The following SCD5 variants were observed in gnomAD, a reference collection of about 807,000 sequenced individuals.
SCD5 encodes stearoyl-CoA desaturase 5.
A neutral mutation model predicts 30.4 loss-of-function variants in SCD5; 20 were observed. That is an observed-to-expected ratio of 0.66 (90% CI 0.46 to 0.96). The LOEUF is 0.96. SCD5 is among the 40% of genes least tolerant of loss of function. The pLI, the probability that SCD5 is intolerant of heterozygous loss-of-function variation, is 0.00. For missense variants in SCD5, 381 were observed against 443.3 expected, an observed-to-expected ratio of 0.86 and a Z score of 1.26; for synonymous variants, 173 against 176.4, an observed-to-expected ratio of 0.98 and a Z score of 0.16.
At position 82,706,592 on chromosome 4, in the gene SCD5, A is replaced by G. The variant is rs894976101; in HGVS notation, c.233-1179T>C. 8.5e-5 allele frequency among the ~76,000 whole-genome samples: 13 copies of G among 152,276 alleles called. 1 individual carries two copies. Among genetic ancestry groups the G allele is most frequent in the African/African-American group, 3.1e-4 (13 of 41,486 alleles). The stretch of plus-strand genomic sequence containing the variant: ...ATACTGCCCTGTCTTCCCAGACATG[A>G]GAATAAACACCTGAGCCAATCCTTT... On this transcript the variant is annotated intron_variant, in intron 1 of 4. Transcript: ENST00000319540.
chr4:82,646,580 T>C (rs565748771), intron 3 of SCD5, among the ~76,000 whole-genome samples: 3 of 152,314 alleles, frequency 2.0e-5, no homozygotes, highest in African/African-American at 4.8e-5. Context: ...AAAGTTGTAA[T>C]CGAACTACTC....
At chr4:82,777,168 G>C (rs764575164) in intron 1 of SCD5, among the ~76,000 whole-genome samples, 1 of 152,146 alleles carries the variant, frequency 6.6e-6, no homozygotes, top group South Asian at 2.1e-4. Context: ...TCACATTGGG[G>C]TCAGCAACAT....
intron 3 of SCD5, among the ~76,000 whole-genome samples, chr4:82,654,319 C>G (rs1727824702): frequency 6.6e-6 from 1 of 152,148 alleles, no homozygotes; most frequent in Admixed American, 6.5e-5. Context: ...CTGTCCAAAG[C>G]CAATTTCTGA....
intron 1 of SCD5, among the ~76,000 whole-genome samples, chr4:82,781,022 G>A (rs112604192): frequency 7.2e-5 from 11 of 152,230 alleles, no homozygotes; most frequent in Admixed American, 2.0e-4. Context: ...ATAATTGAAA[G>A]GGAGAGAAAC....
Position 82,636,621 on chromosome 4 carries a change from G to A in SCD5, c.772C>T (p.Gln258Ter). The A allele has an allele frequency of 6.2e-7, 1 of 1,614,164 alleles. No individual in the cohort carries two copies. The highest frequency in any genetic ancestry group is 8.5e-7 in the Non-Finnish European group (1 of 1,180,030). The change falls in exon 4 of 5, where the codon CAG (glutamine) becomes TAG (stop). Residue 258 changes from glutamine (Q) to a stop codon, truncating the protein, a stop_gained. Coordinates refer to ENST00000319540, the MANE Select transcript of SCD5 (RefSeq NM_001037582.3). LOFTEE classifies it high-confidence loss of function. ...GCACCCAGAGCGACGAGTGGGTTCT[G>A]CCGAGGGCTGATGTGCTTGTCATAG... The part of the protein sequence containing the change: ...RPYDKHISPR[Q>*]NPLVALGAIG...
intron 2 of SCD5, among the ~76,000 whole-genome samples, chr4:82,699,132 A>G (rs943456653): frequency 1.3e-5 from 2 of 152,012 alleles, no homozygotes; most frequent in Admixed American, 6.6e-5. Context: ...ATCATCTTAA[A>G]ACCATCCCCC....
chr4:82,798,087 G>A (rs1342402832), intron 1 of SCD5, among the ~76,000 whole-genome samples: 1 of 15,738 alleles, frequency 6.4e-5, no homozygotes, highest in Non-Finnish European at 3.6e-4. Context: ...GGGTGGGGGC[G>A]GGGGGGGGGC....
chr4:82,679,700 A>C (rs1003827355), intron 3 of SCD5, among the ~76,000 whole-genome samples: 4 of 152,208 alleles, frequency 2.6e-5, no homozygotes, highest in African/African-American at 9.7e-5. Context: ...AGGGTCTGCC[A>C]GTTTCTCACT....
At chr4:82,779,984 T>C (rs910538482) in intron 1 of SCD5, among the ~76,000 whole-genome samples, 14 of 152,244 alleles carry the variant, frequency 9.2e-5, no homozygotes, top group African/African-American at 3.4e-4. Context: ...TCAAAGTTAT[T>C]GTTGCTGTTC....
At chr4:82,643,609 G>A (rs1417241833) in intron 3 of SCD5, among the ~76,000 whole-genome samples, 1 of 152,188 alleles carries the variant, frequency 6.6e-6, no homozygotes, top group Non-Finnish European at 1.5e-5. Flanking sequence ...TTTTTATTGG[G>A]AATGATGACA....
intron 1 of SCD5, among the ~76,000 whole-genome samples, chr4:82,719,218 AG>A (rs1359270466): frequency 6.6e-6 from 1 of 151,774 alleles, no homozygotes; most frequent in Non-Finnish European, 1.5e-5. Context: ...AACTTTTTCC[AG>A]GAACTACATA....
intron 2 of SCD5, among the ~76,000 whole-genome samples, chr4:82,699,717 A>G (rs1719775512): frequency 6.6e-6 from 1 of 150,790 alleles, no homozygotes; most frequent in Non-Finnish European, 1.5e-5. Context: ...GCTGAAGTGC[A>G]GTGGCACAAT....
At chr4:82,636,471 C>A in intron 4 of SCD5, 120 bp downstream of exon 4, 11 of 703,140 alleles carry the variant, frequency 1.6e-5, no homozygotes, top group Non-Finnish European at 2.6e-5. Context: ...AAAAAAAGCT[C>A]AAGTTCACTG....
chr4:82,683,217 T>A (rs1374822161), intron 2 of SCD5, among the ~76,000 whole-genome samples: 1 of 152,210 alleles, frequency 6.6e-6, no homozygotes, highest in Admixed American at 6.5e-5. Flanking sequence ...GATTTTACAG[T>A]GTATTTAAAC....
intron 3 of SCD5, among the ~76,000 whole-genome samples, chr4:82,639,297 G>C (rs1050533910): frequency 7.9e-5 from 12 of 152,192 alleles, no homozygotes; most frequent in Admixed American, 4.6e-4. Context: ...GGCCTTAGAG[G>C]TGGCCTTCTA....
chr4:82,780,115 G>A (rs1161094206), intron 1 of SCD5, among the ~76,000 whole-genome samples: 1 of 152,218 alleles, frequency 6.6e-6, no homozygotes, highest in African/African-American at 2.4e-5. Flanking sequence ...GCACATAAAT[G>A]TTTAGGAACA....
chr4:82,784,003 C>A (rs1721935440), intron 1 of SCD5, among the ~76,000 whole-genome samples: 1 of 152,016 alleles, frequency 6.6e-6, no homozygotes, highest in Non-Finnish European at 1.5e-5. Flanking sequence ...TATATAGATT[C>A]TATACATACA....
intron 2 of SCD5, among the ~76,000 whole-genome samples, chr4:82,699,562 TG>T (rs1560537255): frequency 6.2e-4 from 20 of 32,086 alleles, no homozygotes; most frequent in African/African-American, 4.5e-3. Context: ...TTTTGTTTTT[TG>T]TTTTTTGTTT....
intron 1 of SCD5, among the ~76,000 whole-genome samples, chr4:82,784,317 C>G (rs1398854782): frequency 6.6e-6 from 1 of 152,132 alleles, no homozygotes. Flanking sequence ...CAGGCTAGCC[C>G]GAGAACCTAG....
Sources: gnomAD v4.1 joint callset for allele counts (sites outside exome capture counted in the v4.1 genomes callset) on GRCh38, gnomAD v4.1.1 for gene constraint, MANE v1.5 for transcripts, NCBI Gene and HGNC (gene_info 2026-07-23, HGNC 2026-07-21) for gene names.